Variants in ADAMTS3 observed in about 807,000 individuals in gnomAD.
The protein encoded by ADAMTS3 is ADAM metallopeptidase with thrombospondin type 1 motif 3, also known as A disintegrin and metalloproteinase with thrombospondin motifs 3.
A neutral mutation model predicts 129.0 loss-of-function variants in ADAMTS3; 73 were observed. The ratio of observed to expected loss-of-function variants is 0.57; its 90% CI spans 0.47 to 0.69. The LOEUF (loss-of-function observed/expected upper bound fraction) is 0.69. ADAMTS3 is among the 30% of genes least tolerant of loss of function. The pLI, the probability that ADAMTS3 is intolerant of heterozygous loss-of-function variation, is 0.00. For missense variants in ADAMTS3, 1,457 were observed against 1,514.5 expected, an observed-to-expected ratio of 0.96 and a Z score of 0.63; for synonymous variants, 477 against 510.8, an observed-to-expected ratio of 0.93 and a Z score of 0.89.
intron 14 of ADAMTS3, among the ~76,000 whole-genome samples, chr4:72,310,416 TAGACTCATTAATAC>T (rs1719201113): frequency 6.6e-6 from 1 of 152,088 alleles, no homozygotes; most frequent in African/African-American, 2.4e-5. Context: ...TCAATTACTT[TAGACTCATTAATAC>T]AGCACTTCAG....
chr4:72,305,752 T>C (rs953647169), intron 16 of ADAMTS3, among the ~76,000 whole-genome samples: 18 of 152,076 alleles, frequency 1.2e-4, no homozygotes, highest in African/African-American at 4.1e-4. Flanking sequence ...TACATATACA[T>C]ATGCACATGT....
At chr4:72,441,726 G>A (rs1197183550) in intron 3 of ADAMTS3, 1 of 151,768 alleles carries the variant, frequency 6.6e-6, no homozygotes, top group African/African-American at 2.4e-5. Flanking sequence ...AACAGAGCTG[G>A]TGTTGGTTTA....
chr4:72,360,240 C>G, intron 4 of ADAMTS3, among the ~76,000 whole-genome samples: 1 of 152,040 alleles, frequency 6.6e-6, no homozygotes, highest in Non-Finnish European at 1.5e-5. Context: ...CCTCGAATTT[C>G]CTATCCCTGG....
chr4:72,412,524 T>A (rs1021897615), intron 4 of ADAMTS3, among the ~76,000 whole-genome samples: 1 of 152,052 alleles, frequency 6.6e-6, no homozygotes, highest in Non-Finnish European at 1.5e-5. Context: ...TCTGAATCAC[T>A]TGTTCCCCTA....
At chr4:72,519,983 T>A (rs1435864014) in intron 3 of ADAMTS3, among the ~76,000 whole-genome samples, 1 of 151,940 alleles carries the variant, frequency 6.6e-6, no homozygotes, top group Non-Finnish European at 1.5e-5. Flanking sequence ...CTACTTTTGG[T>A]CTTTGATGAT....
intron 5 of ADAMTS3, among the ~76,000 whole-genome samples, chr4:72,337,853 G>A (rs533111580): frequency 6.6e-6 from 1 of 151,852 alleles, no homozygotes; most frequent in Non-Finnish European, 1.5e-5. Context: ...TAAGTTCTAC[G>A]AGGACAAGAC....
chr4:72,320,429 A>G (rs976130712), intron 7 of ADAMTS3, among the ~76,000 whole-genome samples: 2 of 152,158 alleles, frequency 1.3e-5, no homozygotes, highest in African/African-American at 4.8e-5. Flanking sequence ...TCTCATTCCA[A>G]ACAGTTAGTG....
intron 3 of ADAMTS3, among the ~76,000 whole-genome samples, chr4:72,472,141 T>C (rs1047521035): frequency 3.3e-5 from 5 of 152,128 alleles, no homozygotes; most frequent in Non-Finnish European, 5.9e-5. Flanking sequence ...CTTGACAATA[T>C]AAATGACAAA....
chr4:72,551,001 G>A (rs930081126), intron 2 of ADAMTS3, among the ~76,000 whole-genome samples: 5 of 152,064 alleles, frequency 3.3e-5, no homozygotes, highest in Non-Finnish European at 4.4e-5. Flanking sequence ...TAGTAATACC[G>A]GTAACCAGAG....
chr4:72,523,592 AT>A (rs1720730988), intron 3 of ADAMTS3, among the ~76,000 whole-genome samples: 1 of 152,122 alleles, frequency 6.6e-6, no homozygotes, highest in Non-Finnish European at 1.5e-5. Flanking sequence ...ACAAAGATCT[AT>A]ATTTAAAACT....
In ADAMTS3 at chr4:72,549,950, T is replaced by TAA. The variant is rs34598767; in HGVS notation, c.98-1068_98-1067dup. ...GAAACAAGCAGCAGGGCAACAAGGG[T>TAA]AAAAAAAAAAAAAAGAAGAAGAAGA... On this transcript the variant is annotated intron_variant, in intron 2 of 21. Transcript: ENST00000286657. 1.6e-3 allele frequency among the ~76,000 whole-genome samples: 20 copies of TAA among 12,648 alleles called. 4 individuals carry two copies. Among genetic ancestry groups the TAA allele is most frequent in the African/African-American group, 9.0e-3 (18 of 1,990 alleles). 8.3% of individuals were successfully genotyped at this position (12,648 alleles called of 152,430 possible). A position where few individuals can be genotyped will look rare whatever the true frequency, so the allele number is the denominator to read the frequency against.
At position 72,339,342 on chromosome 4, in the gene ADAMTS3, T is replaced by G. The variant is rs529243729; in HGVS notation, c.861+152A>C. On this transcript the variant is annotated intron_variant, in intron 5 of 21. Coordinates refer to ENST00000286657, the MANE Select transcript of ADAMTS3 (RefSeq NM_014243.3). ...CCTTTATTTTAGCATTCCTGTACTT[T>G]AAATATGTAGATCAATAATTTAAAT... The G allele has an allele frequency of 5.5e-5, 40 of 728,182 alleles. No individual in the cohort carries two copies. The African/African-American group carries it at 6.9e-4, about 12-fold the overall frequency. The allele number at this position is 728,182 out of a possible 1,614,324, so 45.1% of individuals were successfully genotyped here. A position where few individuals can be genotyped will look rare whatever the true frequency, so the allele number is the denominator to read the frequency against.
intron 3 of ADAMTS3, among the ~76,000 whole-genome samples, chr4:72,472,852 T>C (rs1719115102): frequency 6.6e-6 from 1 of 152,172 alleles, no homozygotes. Context: ...CTAGCATTTG[T>C]TTCATGTTAA....
chr4:72,496,583 T>G (rs1311137517), intron 3 of ADAMTS3, among the ~76,000 whole-genome samples: 5 of 152,116 alleles, frequency 3.3e-5, no homozygotes, highest in Non-Finnish European at 5.9e-5. Flanking sequence ...ATGACCACTA[T>G]GGAGCTTAGA....
intron 3 of ADAMTS3, among the ~76,000 whole-genome samples, chr4:72,462,189 C>T (rs892095459): frequency 2.6e-5 from 4 of 151,762 alleles, no homozygotes; most frequent in South Asian, 2.1e-4. Flanking sequence ...TGGTGTATTG[C>T]CTCTTTTGAG....
chr4:72,307,531 C>T (rs1719119440), intron 15 of ADAMTS3, among the ~76,000 whole-genome samples: 1 of 151,960 alleles, frequency 6.6e-6, no homozygotes, highest in African/African-American at 2.4e-5. Context: ...GTGGAGGGTT[C>T]ATGTTTATCA....
intron 21 of ADAMTS3, among the ~76,000 whole-genome samples, chr4:72,288,163 GC>G (rs1718560941): frequency 6.6e-6 from 1 of 152,156 alleles, no homozygotes; most frequent in African/African-American, 2.4e-5. Context: ...ACCGCACCTG[GC>G]CCCATTTTGC....
At chr4:72,358,316 A>T (rs1340664291) in intron 4 of ADAMTS3, among the ~76,000 whole-genome samples, 3 of 151,846 alleles carry the variant, frequency 2.0e-5, no homozygotes, top group Non-Finnish European at 4.4e-5. Flanking sequence ...AAAAACAAAA[A>T]CTTTGCCTGC....
intron 21 of ADAMTS3, among the ~76,000 whole-genome samples, chr4:72,287,581 A>G (rs1459835641): frequency 6.6e-6 from 1 of 151,984 alleles, no homozygotes; most frequent in East Asian, 1.9e-4. Flanking sequence ...AGGTACAGCC[A>G]GGGAGACTAG....
Sources: gnomAD v4.1 joint callset for allele counts (sites outside exome capture counted in the v4.1 genomes callset) on GRCh38, gnomAD v4.1.1 for gene constraint, MANE v1.5 for transcripts, NCBI Gene and HGNC (gene_info 2026-07-23, HGNC 2026-07-21) for gene names.